The following LIN9 variants were observed in gnomAD, a reference collection of about 807,000 sequenced individuals.
LIN9 encodes lin-9 DREAM MuvB core complex component, also known as protein lin-9 homolog.
Under a neutral mutation model 78.0 loss-of-function variants are expected in LIN9, and 18 were observed. That is an observed-to-expected ratio of 0.23 (90% CI 0.16 to 0.34). LIN9 has a LOEUF of 0.34. LIN9 is among the 10% of genes least tolerant of loss of function. The probability of loss-of-function intolerance (pLI) is 1.00; values close to 1 mark genes in which losing one functional copy is unlikely to be tolerated. For missense variants in LIN9, 451 were observed against 644.1 expected, an observed-to-expected ratio of 0.70 and a Z score of 3.25; for synonymous variants, 192 against 215.2, an observed-to-expected ratio of 0.89 and a Z score of 0.94.
chr1:226,288,390 G>A (rs776357169), intron 4 of LIN9, among the ~76,000 whole-genome samples: 1 of 152,088 alleles, frequency 6.6e-6, no homozygotes, highest in Non-Finnish European at 1.5e-5. Context: ...CACTAACCTA[G>A]TATGACAAAG....
intron 6 of LIN9, 114 bp from the exon 7 acceptor site, chr1:226,278,046 G>A: frequency 2.5e-6 from 2 of 796,278 alleles, no homozygotes; most frequent in Non-Finnish European, 3.8e-6. Context: ...AGGCTGGAGT[G>A]CAGTGGCACA....
chr1:226,278,385 C>T (rs1015939441), intron 6 of LIN9, among the ~76,000 whole-genome samples: 1 of 149,634 alleles, frequency 6.7e-6, no homozygotes, highest in African/African-American at 2.5e-5. Flanking sequence ...GCTGAGATTG[C>T]GCCACTGCAC....
chr1:226,249,414 AC>A (rs1658685728), intron 11 of LIN9, among the ~76,000 whole-genome samples: 1 of 152,216 alleles, frequency 6.6e-6, no homozygotes, highest in Non-Finnish European at 1.5e-5. Flanking sequence ...TGGGAAATAA[AC>A]CCAAGTTTTA....
chr1:226,277,763 G>GT lies in LIN9; in HGVS notation c.682+11dup. 1 of 1,607,812 alleles carries GT rather than the reference G, an allele frequency of 6.2e-7. No individual in the cohort carries two copies. The highest frequency in any genetic ancestry group is 8.5e-7 in the Non-Finnish European group (1 of 1,177,034). Reference sequence around the variant, plus strand: ...TACAAGTCAAAAGAGTAATTAGCTTGTTTTCACTTACCTGTAACTTTCGTT... The same window carrying GT: ...TACAAGTCAAAAGAGTAATTAGCTTGTTTTTCACTTACCTGTAACTTTCGTT... On this transcript the variant is annotated intron_variant, in intron 7 of 14. Transcript: ENST00000681046.
rs866660767 is a variant in LIN9, at chr1:226,275,694, A to G, written c.682+2081T>C. Among the ~76,000 whole-genome samples, 7 of 116,352 alleles carry G rather than the reference A, an allele frequency of 6.0e-5. No individual in the cohort carries two copies. In the Middle Eastern group the frequency reaches 0.029, roughly 484 times the overall value. 76.3% of individuals were successfully genotyped at this position (116,352 alleles called of 152,430 possible). On this transcript the variant is annotated intron_variant, in intron 7 of 14. Transcript: ENST00000681046. ...GCAACAGAGCAAGACTCCGTCTCAGAAAAAAAAAAAAAAAAAAAGAAAAAA... is the reference window on the plus strand; with the variant it reads ...GCAACAGAGCAAGACTCCGTCTCAGGAAAAAAAAAAAAAAAAAAGAAAAAA...
intron 11 of LIN9, among the ~76,000 whole-genome samples, chr1:226,239,787 T>C (rs571048968): frequency 1.8e-4 from 27 of 152,344 alleles, no homozygotes; most frequent in Non-Finnish European, 3.5e-4. Context: ...TACCAACAAG[T>C]GTTAATGGAC....
chr1:226,287,461 G>A (rs1661444034), intron 5 of LIN9, among the ~76,000 whole-genome samples: 1 of 152,104 alleles, frequency 6.6e-6, no homozygotes, highest in Non-Finnish European at 1.5e-5. Flanking sequence ...TCACAAAAAT[G>A]TACAGTTTTC....
intron 1 of LIN9, 29 bp from the exon 2 acceptor site, chr1:226,301,234 A>G: frequency 6.4e-7 from 1 of 1,563,530 alleles, no homozygotes; most frequent in Non-Finnish European, 8.7e-7. Flanking sequence ...CAAATCAATA[A>G]TTATTTCATA....
intron 4 of LIN9, among the ~76,000 whole-genome samples, chr1:226,294,515 T>A (rs1351278470): frequency 1.3e-5 from 2 of 150,188 alleles, no homozygotes; most frequent in Non-Finnish European, 2.9e-5. Context: ...GAGATTGCAG[T>A]GAGCTGAGAT....
intron 11 of LIN9, among the ~76,000 whole-genome samples, chr1:226,249,971 A>G (rs1003685227): frequency 1.3e-5 from 2 of 152,080 alleles, no homozygotes; most frequent in Non-Finnish European, 2.9e-5. Flanking sequence ...GGAGTTCCAG[A>G]GCAGCCTGGC....
In LIN9 at chr1:226,265,596, A is replaced by G. The variant is rs1659850525; in HGVS notation, c.975T>C (p.Ser325=). 2 of 1,611,586 alleles carry G rather than the reference A, an allele frequency of 1.2e-6. No individual in the cohort carries two copies. Among genetic ancestry groups the G allele is most frequent in the East Asian group, 4.5e-5 (2 of 44,832 alleles). The change falls in exon 10 of 15, where the codon AGT becomes AGC. Residue 325 remains serine, a synonymous_variant. Transcript: ENST00000681046. This position sits in a 1 kb window ranked among gnomAD's most constrained non-coding sequence, Gnocchi z 4.1. ...DPLLGQSPWR[S]KISGSDTETL... The stretch of plus-strand genomic sequence containing the variant: ...TTTCAGTGTCAGAGCCAGAAATTTT[A>G]CTTCTCCACGGCGACTGTCCTAATA...
chr1:226,250,316 C>T (rs1658752248), intron 11 of LIN9, among the ~76,000 whole-genome samples: 1 of 152,058 alleles, frequency 6.6e-6, no homozygotes, highest in Non-Finnish European at 1.5e-5. Flanking sequence ...CTTACTTATT[C>T]TGAAACATTT....
At chr1:226,285,114 GATCA>G (rs1661312294) in intron 6 of LIN9, among the ~76,000 whole-genome samples, 2 of 152,102 alleles carry the variant, frequency 1.3e-5, no homozygotes, top group Admixed American at 1.3e-4. Flanking sequence ...GAGAATAGAA[GATCA>G]ATTAACGAGA....
intron 2 of LIN9, among the ~76,000 whole-genome samples, chr1:226,299,331 C>G (rs780058756): frequency 1.3e-5 from 2 of 151,532 alleles, no homozygotes; most frequent in Admixed American, 6.6e-5. Context: ...TGATGAAAAC[C>G]CATCTCTATT....
chr1:226,299,486 CA>C (rs1186367684), intron 2 of LIN9, among the ~76,000 whole-genome samples: 1 of 99,340 alleles, frequency 1.0e-5, no homozygotes, highest in Non-Finnish European at 1.9e-5. Context: ...GCCTGGGCGA[CA>C]AACCGAGACT....
At chr1:226,253,300 A>G (rs1468620223) in intron 10 of LIN9, among the ~76,000 whole-genome samples, 2 of 151,794 alleles carry the variant, frequency 1.3e-5, no homozygotes, top group African/African-American at 2.4e-5. Flanking sequence ...AAGAAAGAAA[A>G]AAATGTATCT....
At chr1:226,301,128 T>A in intron 2 of LIN9, 45 bp downstream of exon 2, 4 of 1,459,170 alleles carry the variant, frequency 2.7e-6, no homozygotes, top group Non-Finnish European at 3.8e-6. Flanking sequence ...ATTTAACAAA[T>A]TAGACTTTTA....
Position 226,265,486 on chromosome 1 carries a change from C to T in LIN9, c.1038+47G>A, listed in dbSNP as rs1419887364. 1 of 1,175,644 alleles carries T rather than the reference C, an allele frequency of 8.5e-7. No homozygotes were observed. The highest frequency in any genetic ancestry group is 1.3e-6 in the Non-Finnish European group (1 of 792,946). 72.8% of individuals were successfully genotyped at this position (1,175,644 alleles called of 1,614,324 possible). A position where few individuals can be genotyped will look rare whatever the true frequency, so the allele number is the denominator to read the frequency against. On this transcript the variant is annotated intron_variant, in intron 10 of 14. Coordinates refer to ENST00000681046, the MANE Select transcript of LIN9 (RefSeq NM_001366245.2). The surrounding 1 kb of genome is among the most constrained non-coding windows in gnomAD (Gnocchi z 4.1). The stretch of plus-strand genomic sequence containing the variant: ...TTTTCAACTTTAATAACATAAAAGG[C>T]ATTGAGTTTTTAAACAAACAGCCAA...
intron 10 of LIN9, among the ~76,000 whole-genome samples, chr1:226,251,551 A>G (rs781464674): frequency 6.6e-6 from 1 of 152,062 alleles, no homozygotes; most frequent in Admixed American, 6.6e-5. Flanking sequence ...TAGTAGAGAC[A>G]GGGTTTCACC....
Sources: allele counts gnomAD v4.1 joint callset (sites outside exome capture counted in the v4.1 genomes callset), GRCh38; gene constraint gnomAD v4.1.1; non-coding constraint Gnocchi (gnomAD v3.1); transcripts MANE v1.5; gene names NCBI Gene and HGNC (gene_info 2026-07-23, HGNC 2026-07-21).